Variants in RAD51B observed in about 807,000 individuals in gnomAD.
RAD51B encodes DNA repair protein RAD51 homolog 2.
RAD51B carries 38 observed loss-of-function variants against 42.2 expected under a neutral mutation model. That is an observed-to-expected ratio of 0.90 (90% CI 0.70 to 1.18). The LOEUF is 1.18. Ranked by LOEUF, RAD51B falls within the 50% of genes most tolerant of loss-of-function variation. RAD51B has a pLI of 0.00. For missense variants in RAD51B, 373 were observed against 400.7 expected (o/e 0.93, Z 0.59); for synonymous variants, 154 against 145.2 (o/e 1.06, Z -0.43).
chr14:68,545,632 C>T (rs1387354831), intron 10 of RAD51B: 18 of 455,870 alleles, frequency 3.9e-5, no homozygotes, highest in Admixed American at 2.1e-4. Flanking sequence ...GAGGTAAGAA[C>T]GGGGACAGGG....
At chr14:68,009,355 T>C (rs73284222) in intron 7 of RAD51B, among the ~76,000 whole-genome samples, 6,174 of 152,008 alleles carry the variant, frequency 0.041, 436 homozygotes, top group African/African-American at 0.14. Context: ...TATCAGTTTG[T>C]ATTTAACTTC....
chr14:68,321,506 A>G (rs1345689881), intron 8 of RAD51B, among the ~76,000 whole-genome samples: 1 of 152,222 alleles, frequency 6.6e-6, no homozygotes, highest in Non-Finnish European at 1.5e-5. Context: ...CTCTGGGAAG[A>G]CATCACTGAT....
intron 7 of RAD51B, among the ~76,000 whole-genome samples, chr14:67,987,549 G>C (rs1298457415): frequency 6.6e-6 from 1 of 152,054 alleles, no homozygotes; most frequent in Non-Finnish European, 1.5e-5. Flanking sequence ...CTTACTATTT[G>C]GAATTTTAAA....
chr14:68,209,290 T>C (rs1264597271), intron 7 of RAD51B, among the ~76,000 whole-genome samples: 2 of 152,202 alleles, frequency 1.3e-5, no homozygotes, highest in East Asian at 3.9e-4. Flanking sequence ...CTCTGTGAGG[T>C]AGGCACCATG....
At chr14:68,617,286 A>G (rs1341822677) in intron 10 of RAD51B, among the ~76,000 whole-genome samples, 2 of 152,158 alleles carry the variant, frequency 1.3e-5, no homozygotes, top group Admixed American at 6.5e-5. Context: ...GTTAGAATGA[A>G]CCTAACGTTT....
chr14:68,019,225 A>G (rs1479318009), intron 7 of RAD51B, among the ~76,000 whole-genome samples: 1 of 152,190 alleles, frequency 6.6e-6, no homozygotes, highest in Non-Finnish European at 1.5e-5. Flanking sequence ...TGAAAAGGTG[A>G]AATAGACGGG....
At chr14:67,973,196 ACTGAAGT>A (rs780236251) in intron 7 of RAD51B, among the ~76,000 whole-genome samples, 3 of 152,218 alleles carry the variant, frequency 2.0e-5, no homozygotes, top group Admixed American at 6.5e-5. Flanking sequence ...AGGATTTTGG[ACTGAAGT>A]CTGTAAGTGA....
intron 8 of RAD51B, among the ~76,000 whole-genome samples, chr14:68,395,602 ATGT>A (rs1459863126): frequency 6.6e-6 from 1 of 152,014 alleles, no homozygotes; most frequent in African/African-American, 2.4e-5. Flanking sequence ...TGTTGCTGCA[ATGT>A]TGTTGTTGTG....
At chr14:68,444,912 G>C (rs887334546) in intron 9 of RAD51B, among the ~76,000 whole-genome samples, 45 of 152,218 alleles carry the variant, frequency 3.0e-4, no homozygotes, top group African/African-American at 1.1e-3. Context: ...GTGGAACTTT[G>C]TGGCTTTGGC....
chr14:67,891,506 T>G (rs1389185749), intron 7 of RAD51B, among the ~76,000 whole-genome samples: 1 of 152,106 alleles, frequency 6.6e-6, no homozygotes, highest in Non-Finnish European at 1.5e-5. Flanking sequence ...TTAAAGACAG[T>G]TTTAAATCAT....
rs147609242 is a variant in RAD51B, at chr14:68,086,554, C to G, written c.756+199350C>G. Among the ~76,000 whole-genome samples, 71 of 152,230 alleles carry G rather than the reference C, an allele frequency of 4.7e-4. 1 individual carries two copies. In the East Asian group the frequency reaches 0.013, roughly 29 times the overall value. ...TCCCCTTCCCATCACTTCCCTGCCC[C>G]CTTTCTGTATGGGATGCAGGGAGGG... is the stretch of plus-strand genomic sequence containing the variant. On this transcript the variant is annotated intron_variant, in intron 7 of 10. Transcript: ENST00000471583.
At chr14:68,619,565 G>A (rs563612594) in intron 10 of RAD51B, among the ~76,000 whole-genome samples, 4 of 152,230 alleles carry the variant, frequency 2.6e-5, no homozygotes, top group Non-Finnish European at 5.9e-5. Flanking sequence ...AAGCAAGTTA[G>A]ACAGAGTCAT....
chr14:67,940,194 C>G (rs1190582647), intron 7 of RAD51B, among the ~76,000 whole-genome samples: 10 of 147,144 alleles, frequency 6.8e-5, no homozygotes, highest in Non-Finnish European at 1.3e-4. Context: ...GTGTCTCAGC[C>G]TCCCAAGTAG....
exon 11 of RAD51B, chr14:68,594,910 T>A: frequency 9.1e-7 from 1 of 1,096,222 alleles, no homozygotes; most frequent in Non-Finnish European, 1.1e-6. Context: ...CCTGGCTTGC[T>A]GCTGAGCTAA....
At chr14:68,506,066 T>C (rs192149081) in intron 10 of RAD51B, among the ~76,000 whole-genome samples, 3 of 152,298 alleles carry the variant, frequency 2.0e-5, no homozygotes, top group Admixed American at 6.5e-5. Flanking sequence ...TCTTTGCTTA[T>C]GTGGCTGGGG....
chr14:68,173,566 G>A (rs1286910156), intron 7 of RAD51B, among the ~76,000 whole-genome samples: 2 of 152,208 alleles, frequency 1.3e-5, no homozygotes, highest in Non-Finnish European at 2.9e-5. Flanking sequence ...GGCACCTTCT[G>A]TGGGATAAGA....
chr14:68,540,908 A>T, intron 10 of RAD51B: 1 of 985,438 alleles, frequency 1.0e-6, no homozygotes, highest in Non-Finnish European at 1.2e-6. Flanking sequence ...GGGCCAGATG[A>T]TGTGAAGTTT....
intron 10 of RAD51B, among the ~76,000 whole-genome samples, chr14:68,487,836 C>A (rs1257340493): frequency 1.3e-5 from 2 of 152,182 alleles, no homozygotes; most frequent in African/African-American, 4.8e-5. Flanking sequence ...AAGGCCTTAT[C>A]TCCAAATACA....
intron 10 of RAD51B, among the ~76,000 whole-genome samples, chr14:68,514,784 G>A (rs979869979): frequency 1.3e-5 from 2 of 152,064 alleles, no homozygotes; most frequent in African/African-American, 4.8e-5. Flanking sequence ...ATGCATTTCA[G>A]GGGAGATTTG....
Sources: allele counts gnomAD v4.1 joint callset (sites outside exome capture counted in the v4.1 genomes callset), GRCh38; gene constraint gnomAD v4.1.1; transcripts MANE v1.5; gene names NCBI Gene and HGNC (gene_info 2026-07-23, HGNC 2026-07-21).